CDH19: variants seen among roughly 807,000 people sequenced by gnomAD.
CDH19 encodes the protein cadherin-19.
CDH19 carries 67 observed loss-of-function variants against 64.2 expected under a neutral mutation model. The ratio of observed to expected loss-of-function variants is 1.04; its 90% CI spans 0.86 to 1.28. The LOEUF is 1.28. Among genes scored for constraint, CDH19 ranks in the 50% most tolerant of loss-of-function variants. The pLI is 0.00. For synonymous variants in CDH19, 346 were observed against 319.3 expected (o/e 1.08, Z -0.89); for missense variants, 1,030 against 929.0 (o/e 1.11, Z -1.41).
In CDH19 at chr18:66,589,344, C is replaced by T. The variant is rs114377598; in HGVS notation, c.-113+14610G>A. On this transcript the variant is annotated intron_variant, in intron 1 of 11. Coordinates refer to ENST00000262150, the MANE Select transcript of CDH19 (RefSeq NM_021153.4). ...TCGAACCAACAGTGTATTTCATTTT[C>T]CCAAGAATTTCTAACAGTATTTATT... Among the ~76,000 whole-genome samples, 1,133 of 151,498 alleles carry T rather than the reference C, an allele frequency of 7.5e-3. 16 individuals carry two copies. The highest frequency in any genetic ancestry group is 0.026 in the African/African-American group (1,093 of 41,438).
rs531659760 is a variant in CDH19 at position 66,549,419 on chromosome 18, T to C, written c.775+1675A>G. ...CTATTTCCCACATATTATATGCCAATTATTTTATAAAGTTCTGGGTATTTC... is the reference window on the plus strand; with the variant it reads ...CTATTTCCCACATATTATATGCCAACTATTTTATAAAGTTCTGGGTATTTC... On this transcript the variant is annotated intron_variant, in intron 5 of 11. Transcript: ENST00000262150. 2.6e-5 allele frequency among the ~76,000 whole-genome samples: 4 copies of C among 152,206 alleles called. No homozygotes were observed. The East Asian group carries it at 7.7e-4, about 29-fold the overall frequency.
At chr18:66,580,425 A>G (rs1220147948) in intron 1 of CDH19, among the ~76,000 whole-genome samples, 1 of 152,106 alleles carries the variant, frequency 6.6e-6, no homozygotes, top group African/African-American at 2.4e-5. Context: ...CACAATTACA[A>G]GGCAATGTCC....
At chr18:66,578,330 A>C (rs2144596122) in intron 1 of CDH19, among the ~76,000 whole-genome samples, 1 of 152,136 alleles carries the variant, frequency 6.6e-6, no homozygotes, top group South Asian at 2.1e-4. Context: ...ATTTAAAGAG[A>C]CATATCACAA....
At chr18:66,543,291 T>C (rs1986965720) in intron 7 of CDH19, among the ~76,000 whole-genome samples, 3 of 152,046 alleles carry the variant, frequency 2.0e-5, no homozygotes, top group Non-Finnish European at 2.9e-5. Flanking sequence ...CCTCCCAAAG[T>C]GCTGGGATTA....
At chr18:66,549,284 T>C (rs918896684) in intron 5 of CDH19, among the ~76,000 whole-genome samples, 1 of 152,096 alleles carries the variant, frequency 6.6e-6, no homozygotes, top group Non-Finnish European at 1.5e-5. Flanking sequence ...TTCAGGATAT[T>C]TTATCGCAGC....
chr18:66,562,243 C>T (rs1051408867), intron 3 of CDH19, among the ~76,000 whole-genome samples: 3 of 151,540 alleles, frequency 2.0e-5, no homozygotes, highest in African/African-American at 7.3e-5. Flanking sequence ...ACACAACTCA[C>T]CATAATGAGG....
chr18:66,572,999 G>A (rs1988153512), intron 1 of CDH19, among the ~76,000 whole-genome samples: 1 of 151,598 alleles, frequency 6.6e-6, no homozygotes, highest in South Asian at 2.1e-4. Context: ...ATGGGTGAAT[G>A]TTTGTAATAT....
chr18:66,502,749 G>C lies in CDH19; in HGVS notation c.*2063C>G, dbSNP rs1985000222. The stretch of plus-strand genomic sequence containing the variant: ...TGCTCCTTTAAATTTTCTCTTGTTT[G>C]GTATTTTTCCTCTTTCCTAATAATG... On this transcript the variant is annotated 3_prime_UTR_variant, in exon 12 of 12. Transcript: ENST00000262150. The C allele has an allele frequency of 6.6e-6, 1 of 151,718 alleles. No homozygotes were observed. The highest frequency in any genetic ancestry group is 6.6e-5 in the Admixed American group (1 of 15,228). 9.4% of individuals were successfully genotyped at this position (151,718 alleles called of 1,614,324 possible). A position where few individuals can be genotyped will look rare whatever the true frequency, so the allele number is the denominator to read the frequency against.
intron 9 of CDH19, among the ~76,000 whole-genome samples, chr18:66,524,420 T>C (rs1331555555): frequency 2.0e-5 from 3 of 151,618 alleles, no homozygotes; most frequent in Non-Finnish European, 2.9e-5. Flanking sequence ...ACATATTGTA[T>C]ACTTCAAAAT....
chr18:66,599,696 TA>T (rs1174165163), intron 1 of CDH19, among the ~76,000 whole-genome samples: 1 of 152,032 alleles, frequency 6.6e-6, no homozygotes, highest in Non-Finnish European at 1.5e-5. Context: ...CAATTTTCAA[TA>T]AAAAATAAAT....
chr18:66,515,033 A>C (rs1295130025), intron 9 of CDH19, among the ~76,000 whole-genome samples: 1 of 151,676 alleles, frequency 6.6e-6, no homozygotes, highest in East Asian at 1.9e-4. Context: ...TGAATCATGA[A>C]CTCTAAATCA....
chr18:66,567,253 A>C (rs556792494), intron 3 of CDH19, among the ~76,000 whole-genome samples: 38 of 151,842 alleles, frequency 2.5e-4, no homozygotes, highest in South Asian at 1.2e-3. Flanking sequence ...GAAGAAGAAG[A>C]AGCAGTGGCA....
At chr18:66,584,903 C>A (rs1258069926) in intron 1 of CDH19, among the ~76,000 whole-genome samples, 1 of 151,974 alleles carries the variant, frequency 6.6e-6, no homozygotes, top group Non-Finnish European at 1.5e-5. Context: ...AACAGGTATT[C>A]TACTATTCCT....
At chr18:66,510,242 T>G (rs1386593986) in intron 10 of CDH19, among the ~76,000 whole-genome samples, 1 of 151,796 alleles carries the variant, frequency 6.6e-6, no homozygotes, top group South Asian at 2.1e-4. Context: ...TATGAAACCC[T>G]TAAGGTCTAT....
chr18:66,533,662 T>C (rs571494007), intron 8 of CDH19, among the ~76,000 whole-genome samples: 9 of 152,026 alleles, frequency 5.9e-5, no homozygotes, highest in Non-Finnish European at 1.0e-4. Context: ...TACTGATAAA[T>C]AGCATTGTGC....
chr18:66,574,635 A>G (rs1988212226), intron 1 of CDH19, among the ~76,000 whole-genome samples: 2 of 151,760 alleles, frequency 1.3e-5, no homozygotes. Context: ...TTTATGTATA[A>G]CTGCAGTTTC....
chr18:66,599,075 T>A (rs1288752509), intron 1 of CDH19, among the ~76,000 whole-genome samples: 1 of 152,120 alleles, frequency 6.6e-6, no homozygotes, highest in Non-Finnish European at 1.5e-5. Context: ...TGTTTTATAT[T>A]TATTTTTTAT....
chr18:66,557,904 AG>A (rs1207491095), intron 3 of CDH19, among the ~76,000 whole-genome samples: 4 of 151,762 alleles, frequency 2.6e-5, no homozygotes, highest in Non-Finnish European at 5.9e-5. Flanking sequence ...CTTCTCATGA[AG>A]GGGTTCCCTA....
chr18:66,594,561 C>T (rs1988830529), intron 1 of CDH19, among the ~76,000 whole-genome samples: 1 of 151,928 alleles, frequency 6.6e-6, no homozygotes, highest in Admixed American at 6.6e-5. Context: ...TCATACGAAT[C>T]ACAGTCTTGG....
Sources: allele counts gnomAD v4.1 joint callset (sites outside exome capture counted in the v4.1 genomes callset), GRCh38; gene constraint gnomAD v4.1.1; transcripts MANE v1.5; gene names NCBI Gene and HGNC (gene_info 2026-07-23, HGNC 2026-07-21).